Variants in LINC00305 observed in about 807,000 individuals in gnomAD.
LINC00305 encodes long intergenic non-protein coding RNA 305.
intron 3 of LINC00305, among the ~76,000 whole-genome samples, chr18:64,093,110 C>A (rs976782399): frequency 6.6e-6 from 1 of 152,070 alleles, no homozygotes; most frequent in African/African-American, 2.4e-5. Flanking sequence ...AAAATATTAG[C>A]CTTAAAGGAA....
At chr18:64,118,446 T>C (rs1400110387) in intron 1 of LINC00305, among the ~76,000 whole-genome samples, 1 of 152,150 alleles carries the variant, frequency 6.6e-6, no homozygotes, top group Non-Finnish European at 1.5e-5. Flanking sequence ...ATTTTTAATG[T>C]CTCTAACTTA....
chr18:64,116,072 T>C (rs754809141), intron 1 of LINC00305, among the ~76,000 whole-genome samples: 5 of 152,232 alleles, frequency 3.3e-5, no homozygotes, highest in Non-Finnish European at 7.3e-5. Context: ...CAGCCATTTT[T>C]TACCAGTGGA....
intron 1 of LINC00305, among the ~76,000 whole-genome samples, chr18:64,114,041 G>T (rs929201507): frequency 2.6e-5 from 4 of 152,156 alleles, no homozygotes; most frequent in Admixed American, 2.6e-4. Context: ...AGACCGAGGC[G>T]GGCGGATCAC....
At chr18:64,124,755 C>G (rs529550167) in intron 1 of LINC00305, among the ~76,000 whole-genome samples, 27 of 152,162 alleles carry the variant, frequency 1.8e-4, no homozygotes, top group African/African-American at 6.5e-4. Flanking sequence ...TTTATAGGTG[C>G]TTATTTAATC....
At chr18:64,144,186 A>G (rs1215149719) in intron 1 of LINC00305, among the ~76,000 whole-genome samples, 2 of 152,182 alleles carry the variant, frequency 1.3e-5, no homozygotes, top group Non-Finnish European at 2.9e-5. Context: ...AGATTCTTGC[A>G]AAGGAAGTTG....
chr18:64,146,053 G>T (rs976543343), intron 1 of LINC00305, among the ~76,000 whole-genome samples: 1 of 151,382 alleles, frequency 6.6e-6, no homozygotes, highest in East Asian at 1.9e-4. Flanking sequence ...CAAACCACAG[G>T]CTATCTTAGT....
chr18:64,124,789 G>T (rs1348146057), intron 1 of LINC00305, among the ~76,000 whole-genome samples: 5 of 152,056 alleles, frequency 3.3e-5, no homozygotes, highest in Admixed American at 3.3e-4. Context: ...TTGTGAGGTG[G>T]TTGTCTTATT....
chr18:64,096,398 A>G (rs1012292893), intron 3 of LINC00305, among the ~76,000 whole-genome samples: 2 of 151,940 alleles, frequency 1.3e-5, no homozygotes, highest in African/African-American at 4.8e-5. Context: ...AAACAGGGAT[A>G]ATAAAAAGTG....
chr18:64,118,402 C>T (rs2051347234), intron 1 of LINC00305, among the ~76,000 whole-genome samples: 1 of 151,904 alleles, frequency 6.6e-6, no homozygotes, highest in Middle Eastern at 3.4e-3. Flanking sequence ...GTCTATTTTC[C>T]CAAAGAAGTG....
At position 64,106,191 on chromosome 18, in the gene LINC00305, T is replaced by G. The variant is rs1235775547; in HGVS notation, n.315-7551A>C. On this transcript the variant is annotated intron_variant and non_coding_transcript_variant, in intron 1 of 3. Coordinates refer to ENST00000666468, the Ensembl canonical transcript of LINC00305. ...GTTACCCTTCAATTTGGAAGTGTTG[T>G]GTATATTTTCTCCAGTGATCCATTG... Among the ~76,000 whole-genome samples the G allele has an allele frequency of 2.6e-5, 4 of 152,312 alleles. No homozygotes were observed. In the East Asian group the frequency reaches 7.7e-4, roughly 29 times the overall value.
At chr18:64,118,822 GTC>G (rs1293391750) in intron 1 of LINC00305, among the ~76,000 whole-genome samples, 1 of 108,926 alleles carries the variant, frequency 9.2e-6, no homozygotes, top group Admixed American at 1.0e-4. Context: ...GACCCTGGGG[GTC>G]TGTGTGTGTG....
At chr18:64,083,577 G>C (rs2051192710) in intron 3 of LINC00305, among the ~76,000 whole-genome samples, 1 of 152,124 alleles carries the variant, frequency 6.6e-6, no homozygotes, top group African/African-American at 2.4e-5. Flanking sequence ...GCCCTGTCTG[G>C]CAAGTCTTGC....
chr18:64,111,110 G>A (rs2051312902), intron 1 of LINC00305, among the ~76,000 whole-genome samples: 1 of 152,178 alleles, frequency 6.6e-6, no homozygotes, highest in African/African-American at 2.4e-5. Context: ...AGGAAAGACT[G>A]TGAGAAAAAA....
At chr18:64,096,836 T>C (rs963325720) in intron 3 of LINC00305, among the ~76,000 whole-genome samples, 2 of 151,928 alleles carry the variant, frequency 1.3e-5, no homozygotes, top group African/African-American at 4.8e-5. Context: ...AATTCCCAAG[T>C]AAATCTTGAA....
At chr18:64,136,199 G>T (rs998246883) in intron 1 of LINC00305, among the ~76,000 whole-genome samples, 4 of 152,192 alleles carry the variant, frequency 2.6e-5, no homozygotes, top group African/African-American at 9.7e-5. Context: ...CTTACTGATT[G>T]TGTGTGTATG....
At chr18:64,080,339 T>C (rs2051179970) in exon 4 of LINC00305, 1 of 457,666 alleles carries the variant, frequency 2.2e-6, no homozygotes, top group Admixed American at 2.3e-5. Flanking sequence ...GACAACCATG[T>C]GGCTTTCTTC....
At chr18:64,097,447 A>G (rs1250919437) in intron 3 of LINC00305, among the ~76,000 whole-genome samples, 1 of 152,174 alleles carries the variant, frequency 6.6e-6, no homozygotes. Flanking sequence ...TAGAAATACA[A>G]CTTACTGTAA....
intron 3 of LINC00305, among the ~76,000 whole-genome samples, chr18:64,080,574 T>C (rs1262732522): frequency 3.9e-5 from 6 of 152,224 alleles, no homozygotes; most frequent in Non-Finnish European, 5.9e-5. Context: ...AATGTTCATT[T>C]ATCTATACCA....
intron 1 of LINC00305, among the ~76,000 whole-genome samples, chr18:64,135,314 C>A (rs962161103): frequency 2.0e-5 from 3 of 152,158 alleles, no homozygotes; most frequent in African/African-American, 7.2e-5. Flanking sequence ...ATTAGGACTC[C>A]AGCATGTGGT....
Sources: gnomAD v4.1 joint callset for allele counts (sites outside exome capture counted in the v4.1 genomes callset) on GRCh38, gnomAD v4.1.1 for gene constraint, MANE v1.5 for transcripts, NCBI Gene and HGNC (gene_info 2026-07-23, HGNC 2026-07-21) for gene names.